CNIH3: variants seen among roughly 807,000 people sequenced by gnomAD.
CNIH3 encodes the protein cornichon family AMPA receptor auxiliary protein 3, also known as protein cornichon homolog 3.
A neutral mutation model predicts 24.1 loss-of-function variants in CNIH3; 14 were observed. That is an observed-to-expected ratio of 0.58 (90% CI 0.38 to 0.91). CNIH3 has a LOEUF of 0.91. Ranked by LOEUF, CNIH3 falls within the 40% of genes least tolerant of loss-of-function variation. The pLI is 0.00. For missense variants in CNIH3, 178 were observed against 196.8 expected, an observed-to-expected ratio of 0.90 and a Z score of 0.57; for synonymous variants, 68 against 73.8, an observed-to-expected ratio of 0.92 and a Z score of 0.40.
chr1:224,645,232 A>G (rs1425742198), intron 1 of CNIH3, among the ~76,000 whole-genome samples: 2 of 151,870 alleles, frequency 1.3e-5, no homozygotes, highest in African/African-American at 4.8e-5. Flanking sequence ...CCACCTCCCC[A>G]CTGCCCTGCT....
chr1:224,691,969 T>C (rs1405335939), intron 3 of CNIH3, among the ~76,000 whole-genome samples: 2 of 152,178 alleles, frequency 1.3e-5, no homozygotes, highest in African/African-American at 4.8e-5. Flanking sequence ...TAGAGAAAGA[T>C]CTATGTTGCT....
intron 1 of CNIH3, among the ~76,000 whole-genome samples, chr1:224,505,032 C>CCCTT (rs1181782404): frequency 0.33 from 14,716 of 45,248 alleles, 2,799 homozygotes; most frequent in East Asian, 0.51. Context: ...CTCCCTCCCT[C>CCCTT]CCTTCCTTCC....
chr1:224,473,888 A>G (rs1329041760), intron 1 of CNIH3, among the ~76,000 whole-genome samples: 1 of 152,240 alleles, frequency 6.6e-6, no homozygotes, highest in Admixed American at 6.5e-5. Flanking sequence ...GAAAGACCCT[A>G]TGTTAGGGTA....
intron 3 of CNIH3, among the ~76,000 whole-genome samples, chr1:224,725,153 T>C (rs1334836320): frequency 6.6e-6 from 1 of 152,200 alleles, no homozygotes; most frequent in Non-Finnish European, 1.5e-5. Context: ...GAGGTTGCAG[T>C]GAGCCAAGAT....
At chr1:224,476,030 G>A (rs1374672427) in intron 1 of CNIH3, among the ~76,000 whole-genome samples, 2 of 152,196 alleles carry the variant, frequency 1.3e-5, no homozygotes, top group Admixed American at 6.5e-5. Context: ...AAAAGCATTC[G>A]AAAAAATTCA....
downstream of CNIH3, among the ~76,000 whole-genome samples, chr1:224,538,721 G>A (rs1300105254): frequency 1.3e-5 from 2 of 150,324 alleles, no homozygotes; most frequent in Non-Finnish European, 3.0e-5. Flanking sequence ...ATGTAGTGGT[G>A]CAATCAGAGC....
chr1:224,687,380 GCACC>G (rs1391477999), intron 3 of CNIH3, among the ~76,000 whole-genome samples: 1 of 152,134 alleles, frequency 6.6e-6, no homozygotes, highest in Non-Finnish European at 1.5e-5. Flanking sequence ...CTGCAGGCAT[GCACC>G]ACCATGCCTG....
At chr1:224,592,292 T>G (rs1229097266), downstream of CNIH3, among the ~76,000 whole-genome samples, 1 of 152,140 alleles carries the variant, frequency 6.6e-6, no homozygotes, top group Non-Finnish European at 1.5e-5. Flanking sequence ...GAGATTCTGG[T>G]CGAGCTTAGA....
intron 1 of CNIH3, among the ~76,000 whole-genome samples, chr1:224,474,934 A>T (rs1676516059): frequency 6.6e-6 from 1 of 151,438 alleles, no homozygotes; most frequent in South Asian, 2.1e-4. Flanking sequence ...AGTCCCAGCT[A>T]CTTGGGAGGC....
chr1:224,459,256 C>G, intron 1 of CNIH3: 2 of 978,524 alleles, frequency 2.0e-6, no homozygotes, highest in Non-Finnish European at 2.4e-6. Context: ...CTGGAGGAAA[C>G]AGAAGGCCGA....
chr1:224,647,528 T>A (rs1156502485), intron 1 of CNIH3, among the ~76,000 whole-genome samples: 1 of 152,078 alleles, frequency 6.6e-6, no homozygotes, highest in Admixed American at 6.5e-5. Flanking sequence ...AGGGACTGGG[T>A]TCTGTGTGGC....
chr1:224,636,807 A>G (rs75441430), intron 1 of CNIH3, among the ~76,000 whole-genome samples: 1,539 of 152,294 alleles, frequency 0.01, 12 homozygotes, highest in Middle Eastern at 0.02. Flanking sequence ...TATTCAGCCA[A>G]TCTCCATATT....
chr1:224,608,234 C>T (rs1351882050), intron 3 of CNIH3, among the ~76,000 whole-genome samples: 7 of 152,288 alleles, frequency 4.6e-5, no homozygotes, highest in Admixed American at 3.3e-4. Context: ...ACAGTTTGAC[C>T]TTTGACTTGG....
rs1401791707 is a variant in CNIH3 at position 224,461,007 on chromosome 1, C to CT, written n.203+26158dup. ...ATATTTTATTTAAATTTAATTTTTT[C>CT]TTTTTTTTTTTTTGAGATGGAGTCT... On this transcript the variant is annotated intron_variant and non_coding_transcript_variant, in intron 1 of 5. Coordinates refer to the CNIH3 transcript ENST00000471578. Among the ~76,000 whole-genome samples, 485 of 141,638 alleles carry CT rather than the reference C, an allele frequency of 3.4e-3. 3 individuals are homozygous for CT. The highest frequency in any genetic ancestry group is 8.7e-3 in the African/African-American group (339 of 38,998). 92.9% of individuals were successfully genotyped at this position (141,638 alleles called of 152,430 possible).
intron 3 of CNIH3, among the ~76,000 whole-genome samples, chr1:224,730,032 T>C (rs1689239550): frequency 6.6e-6 from 1 of 152,210 alleles, no homozygotes; most frequent in South Asian, 2.1e-4. Flanking sequence ...TGAGTTACTA[T>C]AGGAGGATAC....
intron 3 of CNIH3, among the ~76,000 whole-genome samples, chr1:224,553,626 A>G (rs1680017710): frequency 6.6e-6 from 1 of 152,108 alleles, no homozygotes. Flanking sequence ...CGCTGTGGAA[A>G]GTCTGCTCTG....
intron 3 of CNIH3, chr1:224,717,654 T>C (rs1346893951): frequency 6.6e-6 from 1 of 152,258 alleles, no homozygotes; most frequent in Admixed American, 6.5e-5. Context: ...TTGTAAGGTC[T>C]TTGCTGGGCC....
At chr1:224,719,287 T>G (rs187963966) in intron 3 of CNIH3, among the ~76,000 whole-genome samples, 1 of 152,024 alleles carries the variant, frequency 6.6e-6, no homozygotes, top group South Asian at 2.1e-4. Flanking sequence ...TTCAGGAGCA[T>G]GGGGAGCTTT....
At chr1:224,493,336 A>G (rs1205271821) in intron 1 of CNIH3, among the ~76,000 whole-genome samples, 1 of 152,166 alleles carries the variant, frequency 6.6e-6, no homozygotes, top group African/African-American at 2.4e-5. Context: ...AGTTGTCTTT[A>G]GCAAACCAAA....
Sources: gnomAD v4.1 joint callset for allele counts (sites outside exome capture counted in the v4.1 genomes callset) on GRCh38, gnomAD v4.1.1 for gene constraint, MANE v1.5 for transcripts, NCBI Gene and HGNC (gene_info 2026-07-23, HGNC 2026-07-21) for gene names.